The following GPC6 variants were observed in gnomAD, a reference collection of about 807,000 sequenced individuals.
GPC6 encodes the protein glypican-6.
A neutral mutation model predicts 55.2 loss-of-function variants in GPC6; 14 were observed. That is an observed-to-expected ratio of 0.25 (90% confidence interval 0.17 to 0.40). The LOEUF (loss-of-function observed/expected upper bound fraction) is 0.40, where lower values mean the gene tolerates loss of function less well. Ranked by LOEUF, GPC6 falls within the 10% of genes least tolerant of loss-of-function variation. The pLI is 1.00. For synonymous variants in GPC6, 278 were observed against 259.6 expected, an observed-to-expected ratio of 1.07 and a Z score of -0.68; for missense variants, 641 against 708.5, an observed-to-expected ratio of 0.90 and a Z score of 1.08.
chr13:94,320,445 GT>G (rs926446335), intron 6 of GPC6, among the ~76,000 whole-genome samples: 2 of 151,766 alleles, frequency 1.3e-5, no homozygotes, highest in East Asian at 3.9e-4. Flanking sequence ...TCTGTTGTGG[GT>G]TTTTTTTGTG....
intron 2 of GPC6, among the ~76,000 whole-genome samples, chr13:93,660,384 G>A (rs1267832831): frequency 6.6e-6 from 1 of 152,120 alleles, no homozygotes; most frequent in Non-Finnish European, 1.5e-5. Flanking sequence ...GTAAATTATG[G>A]ATTAACATGT....
chr13:93,911,412 GT>G (rs1876973174), intron 3 of GPC6, among the ~76,000 whole-genome samples: 1 of 147,022 alleles, frequency 6.8e-6, no homozygotes, highest in South Asian at 2.1e-4. Context: ...TTGACTGTGT[GT>G]GTGTGTGTGT....
intron 2 of GPC6, among the ~76,000 whole-genome samples, chr13:93,595,038 G>C (rs1435446956): frequency 6.6e-6 from 1 of 152,002 alleles, no homozygotes; most frequent in African/African-American, 2.4e-5. Flanking sequence ...AGCAAGAAGT[G>C]GTGAATTAAT....
chr13:93,781,697 T>C (rs926599323), intron 2 of GPC6, among the ~76,000 whole-genome samples: 1 of 152,170 alleles, frequency 6.6e-6, no homozygotes, highest in Non-Finnish European at 1.5e-5. Flanking sequence ...AGCCATGATA[T>C]TAGATGTAGC....
chr13:94,323,163 C>A (rs1271741318), intron 6 of GPC6, among the ~76,000 whole-genome samples: 1 of 152,170 alleles, frequency 6.6e-6, no homozygotes, highest in Non-Finnish European at 1.5e-5. Flanking sequence ...CTCCCAACCC[C>A]TGAGCGGAGC....
At chr13:93,682,844 CAAAAAAA>C (rs34479352) in intron 2 of GPC6, among the ~76,000 whole-genome samples, 1 of 108,858 alleles carries the variant, frequency 9.2e-6, no homozygotes, top group Non-Finnish European at 1.8e-5. Context: ...CCTGTCTCTA[CAAAAAAA>C]AAAAAAAAAA....
intron 4 of GPC6, among the ~76,000 whole-genome samples, chr13:94,061,295 C>T (rs1277883055): frequency 6.6e-6 from 1 of 152,000 alleles, no homozygotes; most frequent in Non-Finnish European, 1.5e-5. Flanking sequence ...AATCACTGCC[C>T]CATAAAACAG....
intron 2 of GPC6, among the ~76,000 whole-genome samples, chr13:93,676,125 AAATATATATATATATATATATAT>A (rs1338683723): frequency 0.46 from 15,556 of 33,584 alleles, 2,137 homozygotes; most frequent in Middle Eastern, 0.58. Context: ...AAAAAAAAAA[AAATATATATATATATATATATAT>A]ATATATATAT....
At chr13:93,445,989 G>T (rs186198376) in intron 1 of GPC6, among the ~76,000 whole-genome samples, 18 of 152,184 alleles carry the variant, frequency 1.2e-4, no homozygotes, top group African/African-American at 3.1e-4. Context: ...CGGATAAAAA[G>T]GTTGTCTATC....
intron 3 of GPC6, among the ~76,000 whole-genome samples, chr13:93,851,979 C>A (rs1888418227): frequency 6.6e-6 from 1 of 151,508 alleles, no homozygotes; most frequent in Non-Finnish European, 1.5e-5. Flanking sequence ...ATAGCAGATT[C>A]CTAAGACTAA....
At chr13:93,527,534 T>C (rs775136729) in intron 1 of GPC6, among the ~76,000 whole-genome samples, 1 of 152,146 alleles carries the variant, frequency 6.6e-6, no homozygotes, top group South Asian at 2.1e-4. Flanking sequence ...TGTACTGCTG[T>C]TACCTGAACA....
intron 2 of GPC6, among the ~76,000 whole-genome samples, chr13:93,825,860 C>CTTTT (rs1029574657): frequency 7.2e-5 from 9 of 124,180 alleles, no homozygotes; most frequent in Non-Finnish European, 1.0e-4. Flanking sequence ...TTATTATTTT[C>CTTTT]TTTTTTTTTT....
chr13:94,081,104 G>T (rs368614355), intron 4 of GPC6, among the ~76,000 whole-genome samples: 11 of 152,292 alleles, frequency 7.2e-5, no homozygotes, highest in East Asian at 3.9e-4. Context: ...TCTGGGCACA[G>T]TCCCTCAAGC....
At chr13:93,976,956 A>T (rs557687556) in intron 3 of GPC6, among the ~76,000 whole-genome samples, 1 of 152,232 alleles carries the variant, frequency 6.6e-6, no homozygotes, top group East Asian at 1.9e-4. Flanking sequence ...CATTTTAATT[A>T]TCTCTAATAG....
chr13:93,939,916 G>T (rs1172149252), intron 3 of GPC6, among the ~76,000 whole-genome samples: 1 of 152,028 alleles, frequency 6.6e-6, no homozygotes, highest in Non-Finnish European at 1.5e-5. Context: ...GAGGCAAAAA[G>T]TTACCTAATA....
At chr13:94,082,467 C>A (rs568980207) in intron 4 of GPC6, among the ~76,000 whole-genome samples, 2 of 152,142 alleles carry the variant, frequency 1.3e-5, no homozygotes, top group Non-Finnish European at 2.9e-5. Flanking sequence ...TGTGAGTCCC[C>A]TTTAGAAAGG....
At chr13:93,318,505 C>T (rs1461525578) in intron 1 of GPC6, among the ~76,000 whole-genome samples, 2 of 151,838 alleles carry the variant, frequency 1.3e-5, no homozygotes, top group East Asian at 3.9e-4. Context: ...ATCTCTATAC[C>T]CTCCTGAATA....
At chr13:93,303,715 C>T (rs1271020682) in intron 1 of GPC6, among the ~76,000 whole-genome samples, 1 of 151,888 alleles carries the variant, frequency 6.6e-6, no homozygotes, top group African/African-American at 2.4e-5. Flanking sequence ...ATTCACAATA[C>T]AAAGTGGGGA....
chr13:93,480,918 G>A (rs933723298), intron 1 of GPC6, among the ~76,000 whole-genome samples: 2 of 152,116 alleles, frequency 1.3e-5, no homozygotes, highest in Non-Finnish European at 2.9e-5. Context: ...TTGCTTATAT[G>A]TTTTTATGTG....
Sources: gnomAD v4.1 joint callset for allele counts (sites outside exome capture counted in the v4.1 genomes callset) on GRCh38, gnomAD v4.1.1 for gene constraint, MANE v1.5 for transcripts, NCBI Gene and HGNC (gene_info 2026-07-23, HGNC 2026-07-21) for gene names.